The following ZNF345 variants were observed in gnomAD, a reference collection of about 807,000 sequenced individuals.
ZNF345 encodes zinc finger protein 345, also known as zinc finger protein HZF10.
For synonymous variants in ZNF345, 166 were observed against 187.9 expected (o/e 0.88, Z 0.95); for missense variants, 527 against 589.9 (o/e 0.89, Z 1.10).
chr19:36,892,015 T>C, intron 3 of ZNF345: 3 of 1,613,870 alleles, frequency 1.9e-6, no homozygotes, highest in Non-Finnish European at 2.5e-6. Flanking sequence ...GTGAATTCTC[T>C]GATGATCATT....
chr19:36,892,812 CCCCAGATCCCCCACAGGCGCTGCCTGAGA>C lies in ZNF345; in HGVS notation c.47_75del (p.Asp16AlafsTer48). ...AAAAAAAAAATTTTTTTTGCCCCCACCCCAGATCCCCCACAGGCGCTGCCTGAGACCCAGCTCTGTGTCTCCTCGTCGTA... is the reference window on the plus strand; with the variant it reads ...AAAAAAAAAATTTTTTTTGCCCCCACCCCAGCTCTGTGTCTCCTCGTCGTA... On this transcript the variant is annotated splice_acceptor_variant and splice_polypyrimidine_tract_variant and coding_sequence_variant and intron_variant, in exon 4 of 4. Transcript: ENST00000526123. LOFTEE classifies it high-confidence loss of function. The C allele has an allele frequency of 1.3e-6, 1 of 752,754 alleles. No individual in the cohort carries two copies. Among genetic ancestry groups the C allele is most frequent in the Non-Finnish European group, 1.8e-6 (1 of 544,434 alleles). 46.6% of individuals were successfully genotyped at this position (752,754 alleles called of 1,614,324 possible).
At chr19:36,885,443 G>C (rs957500440) in intron 3 of ZNF345, among the ~76,000 whole-genome samples, 8 of 151,692 alleles carry the variant, frequency 5.3e-5, no homozygotes, top group African/African-American at 1.9e-4. Flanking sequence ...AATGCCTTTT[G>C]CTTTGTGGCT....
At chr19:36,867,015 T>G (rs1466065156) in intron 2 of ZNF345, among the ~76,000 whole-genome samples, 2 of 152,222 alleles carry the variant, frequency 1.3e-5, no homozygotes, top group African/African-American at 4.8e-5. Flanking sequence ...AGTGGATGTT[T>G]TACCTAGGAG....
chr19:36,862,541 G>T (rs1046931268), intron 2 of ZNF345, among the ~76,000 whole-genome samples: 1 of 151,510 alleles, frequency 6.6e-6, no homozygotes, highest in Non-Finnish European at 1.5e-5. Flanking sequence ...GTGCACACCT[G>T]TAGGCCCAGC....
intron 2 of ZNF345, among the ~76,000 whole-genome samples, chr19:36,873,262 C>T (rs2072806322): frequency 6.6e-6 from 1 of 151,824 alleles, no homozygotes; most frequent in African/African-American, 2.4e-5. Flanking sequence ...TTTCTTTGTT[C>T]TCCTATATAG....
chr19:36,874,138 T>A (rs1330350712), intron 2 of ZNF345, among the ~76,000 whole-genome samples: 1 of 152,232 alleles, frequency 6.6e-6, no homozygotes, highest in Admixed American at 6.5e-5. Flanking sequence ...TGTGTGGGCT[T>A]TCCTTACTTT....
chr19:36,883,826 T>C (rs2072981977), downstream of ZNF345, among the ~76,000 whole-genome samples: 3 of 152,148 alleles, frequency 2.0e-5, no homozygotes, highest in South Asian at 6.2e-4. Flanking sequence ...TAATATTCAT[T>C]TTTATTTATG....
chr19:36,892,423 T>TGAG, intron 3 of ZNF345: 1 of 1,608,756 alleles, frequency 6.2e-7, no homozygotes, highest in East Asian at 2.2e-5. Flanking sequence ...TTGACTGAAA[T>TGAG]GTCTCTTCTT....
At chr19:36,873,379 A>G (rs754908776) in intron 2 of ZNF345, among the ~76,000 whole-genome samples, 2 of 152,074 alleles carry the variant, frequency 1.3e-5, no homozygotes, top group African/African-American at 2.4e-5. Context: ...GTTTTTGTAT[A>G]TATTTAAGAT....
chr19:36,852,372 G>C (rs767494423), intron 2 of ZNF345, among the ~76,000 whole-genome samples: 9 of 151,930 alleles, frequency 5.9e-5, no homozygotes, highest in South Asian at 2.1e-4. Flanking sequence ...CAGCACTTTG[G>C]GGGGCCAAGG....
chr19:36,862,228 G>GT (rs1352985356), intron 2 of ZNF345, among the ~76,000 whole-genome samples: 3 of 152,042 alleles, frequency 2.0e-5, no homozygotes, highest in East Asian at 3.9e-4. Flanking sequence ...CTTGGATTTG[G>GT]TTTTTTCCCC....
At chr19:36,881,821 A>G (rs2055638277), downstream of ZNF345, among the ~76,000 whole-genome samples, 1 of 152,202 alleles carries the variant, frequency 6.6e-6, no homozygotes, top group Non-Finnish European at 1.5e-5. Context: ...ACCCACTTTC[A>G]GAGACATTAA....
rs1164449991 is a variant in ZNF345, at chr19:36,851,844, G to A, written c.-107G>A. 1 of 152,246 alleles carries A rather than the reference G, an allele frequency of 6.6e-6. No individual in the cohort carries two copies. Among genetic ancestry groups the A allele is most frequent in the Non-Finnish European group, 1.5e-5 (1 of 68,100 alleles). 9.4% of individuals were successfully genotyped at this position (152,246 alleles called of 1,614,324 possible). A position where few individuals can be genotyped will look rare whatever the true frequency, so the allele number is the denominator to read the frequency against. On this transcript the variant is annotated 5_prime_UTR_variant, in exon 2 of 3. Coordinates refer to ENST00000420450, the MANE Select transcript of ZNF345 (RefSeq NM_001242472.2). ...TCCTTCCTCAGCCCTGCCCTGCTTG[G>A]ATAGAGGCCTCCGAACAGGAGTAAA...
intron 2 of ZNF345, among the ~76,000 whole-genome samples, chr19:36,853,808 C>T (rs1568348580): frequency 6.6e-6 from 1 of 152,214 alleles, no homozygotes; most frequent in Non-Finnish European, 1.5e-5. Context: ...GTCTTACTCA[C>T]TGTAACTTTG....
chr19:36,868,512 A>G (rs2072708454), intron 2 of ZNF345, among the ~76,000 whole-genome samples: 1 of 152,090 alleles, frequency 6.6e-6, no homozygotes. Flanking sequence ...CTGTAGCTTT[A>G]TAATAGTAAG....
intron 3 of ZNF345, among the ~76,000 whole-genome samples, chr19:36,885,418 G>A (rs1292449116): frequency 6.6e-6 from 1 of 151,726 alleles, no homozygotes; most frequent in African/African-American, 2.4e-5. Flanking sequence ...TTGTTTGCTA[G>A]ATATGTATGT....
At chr19:36,869,716 AGT>A (rs2146181393) in intron 2 of ZNF345, among the ~76,000 whole-genome samples, 1 of 151,894 alleles carries the variant, frequency 6.6e-6, no homozygotes, top group South Asian at 2.1e-4. Context: ...TGAATATGGC[AGT>A]GTTTTCTTAT....
chr19:36,873,866 T>C (rs1357045756), intron 2 of ZNF345, among the ~76,000 whole-genome samples: 1 of 152,190 alleles, frequency 6.6e-6, no homozygotes, highest in Admixed American at 6.5e-5. Context: ...TTTCTTCATC[T>C]GTTCATCCAT....
chr19:36,852,779 G>A (rs1037976181), intron 2 of ZNF345, among the ~76,000 whole-genome samples: 1 of 151,922 alleles, frequency 6.6e-6, no homozygotes, highest in Non-Finnish European at 1.5e-5. Flanking sequence ...CCAATCTGGT[G>A]GGTGTCTAAT....
Sources: gnomAD v4.1 joint callset for allele counts (sites outside exome capture counted in the v4.1 genomes callset) on GRCh38, gnomAD v4.1.1 for gene constraint, MANE v1.5 for transcripts, NCBI Gene and HGNC (gene_info 2026-07-23, HGNC 2026-07-21) for gene names.